Variants in DAB1 observed in about 807,000 individuals in gnomAD.
DAB1 encodes disabled homolog 1.
Under a neutral mutation model 64.6 loss-of-function variants are expected in DAB1, and 15 were observed. That is an observed-to-expected ratio of 0.23 (90% confidence interval 0.16 to 0.36). The LOEUF is 0.36. Among genes scored for constraint, DAB1 ranks in the 10% least tolerant of loss-of-function variants. The pLI, the probability that DAB1 is intolerant of heterozygous loss-of-function variation, is 1.00. For synonymous variants in DAB1, 235 were observed against 251.9 expected (o/e 0.93, Z 0.64); for missense variants, 596 against 706.7 (o/e 0.84, Z 1.78).
intron 1 of DAB1, among the ~76,000 whole-genome samples, chr1:57,316,597 C>T (rs1558152231): frequency 6.6e-6 from 1 of 152,028 alleles, no homozygotes; most frequent in African/African-American, 2.4e-5. Context: ...AGGTGGCCTA[C>T]CAGCCTCTGC....
intron 2 of DAB1, among the ~76,000 whole-genome samples, chr1:57,199,707 T>A (rs1292591418): frequency 6.6e-6 from 1 of 152,140 alleles, no homozygotes; most frequent in Non-Finnish European, 1.5e-5. Context: ...GGCGTTGAAG[T>A]CAGAAGTCCG....
At chr1:57,899,904 T>G (rs549120689) in intron 5 of DAB1, among the ~76,000 whole-genome samples, 2 of 152,034 alleles carry the variant, frequency 1.3e-5, no homozygotes, top group East Asian at 3.9e-4. Flanking sequence ...ACAAACCTCT[T>G]GTCTCCCTGC....
intron 5 of DAB1, among the ~76,000 whole-genome samples, chr1:57,964,513 G>C (rs1426274803): frequency 6.6e-6 from 1 of 152,120 alleles, no homozygotes; most frequent in Non-Finnish European, 1.5e-5. Context: ...TTTGAACCTA[G>C]GCCTATTTCA....
At chr1:58,356,529 A>T (rs1335571004) in intron 3 of DAB1, among the ~76,000 whole-genome samples, 1 of 152,076 alleles carries the variant, frequency 6.6e-6, no homozygotes, top group Non-Finnish European at 1.5e-5. Context: ...TGACATTTGG[A>T]CTGTGATTTG....
At chr1:57,056,721 A>T (rs1242912949) in intron 9 of DAB1, among the ~76,000 whole-genome samples, 2 of 151,842 alleles carry the variant, frequency 1.3e-5, no homozygotes, top group Non-Finnish European at 2.9e-5. Context: ...AAAATTAGCC[A>T]GGCGTAGTGG....
chr1:57,687,786 T>C (rs1646718643), intron 6 of DAB1, among the ~76,000 whole-genome samples: 1 of 152,044 alleles, frequency 6.6e-6, no homozygotes, highest in Non-Finnish European at 1.5e-5. Flanking sequence ...CATCTGATCT[T>C]TGACAAAGCC....
At chr1:57,458,431 A>G (rs1435067700) in intron 7 of DAB1, among the ~76,000 whole-genome samples, 1 of 152,044 alleles carries the variant, frequency 6.6e-6, no homozygotes, top group Non-Finnish European at 1.5e-5. Flanking sequence ...AGCAACAGGT[A>G]AATGTGCAAG....
intron 7 of DAB1, among the ~76,000 whole-genome samples, chr1:57,482,014 T>C (rs1047091499): frequency 2.0e-5 from 3 of 152,138 alleles, no homozygotes; most frequent in African/African-American, 7.2e-5. Flanking sequence ...ATTTAACACA[T>C]GGATTCATGA....
intron 1 of DAB1, among the ~76,000 whole-genome samples, chr1:57,337,380 C>T (rs188165010): frequency 3.9e-5 from 6 of 152,304 alleles, no homozygotes; most frequent in Admixed American, 3.9e-4. Context: ...ATCCTTCAAA[C>T]ACACAGGGCT....
At chr1:57,206,101 A>AGG (rs960111400) in intron 2 of DAB1, among the ~76,000 whole-genome samples, 1 of 152,232 alleles carries the variant, frequency 6.6e-6, no homozygotes, top group Admixed American at 6.5e-5. Flanking sequence ...GTGCTGGAGC[A>AGG]GGGAACACAT....
intron 7 of DAB1, among the ~76,000 whole-genome samples, chr1:57,646,131 G>A (rs1444175689): frequency 6.6e-6 from 1 of 152,134 alleles, no homozygotes; most frequent in African/African-American, 2.4e-5. Context: ...CACCTATGAT[G>A]GCTGCAGATG....
chr1:57,966,789 G>A (rs577165265), intron 5 of DAB1, among the ~76,000 whole-genome samples: 1 of 152,236 alleles, frequency 6.6e-6, no homozygotes, highest in African/African-American at 2.4e-5. Flanking sequence ...CTGTTTAGAA[G>A]AGTACATATA....
intron 3 of DAB1, among the ~76,000 whole-genome samples, chr1:57,142,619 C>CACAA (rs1281155841): frequency 6.7e-5 from 10 of 150,306 alleles, no homozygotes; most frequent in Admixed American, 2.0e-4. Flanking sequence ...CACACACACA[C>CACAA]ACACACACAC....
intron 5 of DAB1, among the ~76,000 whole-genome samples, chr1:57,905,664 T>A (rs984231200): frequency 6.6e-6 from 1 of 152,076 alleles, no homozygotes; most frequent in Non-Finnish European, 1.5e-5. Context: ...CACCAGCATG[T>A]GTAGGGTATC....
intron 1 of DAB1, among the ~76,000 whole-genome samples, chr1:57,359,818 G>A (rs972241554): frequency 2.6e-5 from 4 of 152,070 alleles, no homozygotes; most frequent in African/African-American, 9.7e-5. Context: ...ATCATGTTAA[G>A]TGAAATAAGC....
chr1:58,415,472 G>GA (rs905692837), intron 3 of DAB1: 5 of 244,172 alleles, frequency 2.0e-5, no homozygotes, highest in African/African-American at 9.1e-5. Context: ...TGCCCTTGGG[G>GA]ATACATGCAT....
At position 58,485,061 on chromosome 1, in the gene DAB1, G is replaced by T. The variant is rs367959074; in HGVS notation, n.257+20999C>A. On this transcript the variant is annotated intron_variant and non_coding_transcript_variant, in intron 3 of 20. Coordinates refer to the DAB1 transcript ENST00000485760. ...AATGGACTTTGGGTGATAATGATGGGTCAACATAGGTTCATCAATTGTAAC... is the reference window on the plus strand; with the variant it reads ...AATGGACTTTGGGTGATAATGATGGTTCAACATAGGTTCATCAATTGTAAC... 3.9e-5 allele frequency among the ~76,000 whole-genome samples: 6 copies of T among 152,038 alleles called. No individual in the cohort carries two copies. The East Asian group carries it at 5.8e-4, about 15-fold the overall frequency.
intron 5 of DAB1, among the ~76,000 whole-genome samples, chr1:58,026,900 A>G (rs1021181043): frequency 3.3e-5 from 5 of 152,234 alleles, no homozygotes; most frequent in Non-Finnish European, 5.9e-5. Context: ...AAAGCCTGAC[A>G]GACCAGGGAC....
At chr1:57,000,156 G>A (rs1182473731) in intron 14 of DAB1, among the ~76,000 whole-genome samples, 1 of 149,354 alleles carries the variant, frequency 6.7e-6, no homozygotes, top group Non-Finnish European at 1.5e-5. Context: ...CCATTCTCCT[G>A]CCTCAGCCTC....
Sources: gnomAD v4.1 joint callset for allele counts (sites outside exome capture counted in the v4.1 genomes callset) on GRCh38, gnomAD v4.1.1 for gene constraint, MANE v1.5 for transcripts, NCBI Gene and HGNC (gene_info 2026-07-23, HGNC 2026-07-21) for gene names.